FBXO38: variants seen among roughly 807,000 people sequenced by gnomAD.
FBXO38 encodes the protein F-box only protein 38.
In FBXO38, 53 loss-of-function variants were observed where a neutral mutation model predicts 131.9. The ratio of observed to expected loss-of-function variants is 0.40; its 90% CI spans 0.32 to 0.51. The LOEUF (loss-of-function observed/expected upper bound fraction) is 0.51, where lower values mean the gene tolerates loss of function less well. Ranked by LOEUF, FBXO38 falls within the 20% of genes least tolerant of loss-of-function variation. The probability of loss-of-function intolerance (pLI) is 0.53; values close to 1 mark genes in which losing one functional copy is unlikely to be tolerated. For synonymous variants in FBXO38, 452 were observed against 505.6 expected (o/e 0.89, Z 1.42); for missense variants, 1,076 against 1,475.6 (o/e 0.73, Z 4.44).
chr5:148,406,045 T>A (rs772845383), intron 6 of FBXO38, among the ~76,000 whole-genome samples: 1 of 152,218 alleles, frequency 6.6e-6, no homozygotes, highest in Non-Finnish European at 1.5e-5. Flanking sequence ...ATACTACATA[T>A]CTCTACAGTG....
Position 148,410,668 on chromosome 5 carries a change from C to G in FBXO38, c.996C>G (p.Thr332=). ...AAGTTCGGATCCAGCCTTCCCTAAC[C>G]AAAGATGGTGTCTTTTCTGCCCTAA... is the stretch of plus-strand genomic sequence containing the variant. ...LHEVRIQPSL[T]KDGVFSALKM... Residue 332 remains threonine (T), a synonymous_variant, in exon 9 of 22, where the codon ACC becomes ACG. Transcript: ENST00000340253. 1 of 1,614,050 alleles carries G rather than the reference C, an allele frequency of 6.2e-7. No individual in the cohort carries two copies. The highest frequency in any genetic ancestry group is 8.5e-7 in the Non-Finnish European group (1 of 1,179,980).
At chr5:148,439,006 G>T (rs1207539914) in intron 18 of FBXO38, among the ~76,000 whole-genome samples, 1 of 152,194 alleles carries the variant, frequency 6.6e-6, no homozygotes, top group Non-Finnish European at 1.5e-5. Flanking sequence ...TGTAATCAGT[G>T]TGTAAGCCTG....
In FBXO38 at chr5:148,407,871, G is replaced by T. The variant is rs554075706; in HGVS notation, c.869-1253G>T. Among the ~76,000 whole-genome samples, 7 of 152,096 alleles carry T rather than the reference G, an allele frequency of 4.6e-5. No individual in the cohort carries two copies. In the South Asian group the frequency reaches 1.0e-3, roughly 23 times the overall value. ...ACCTGGGAGGCAGAGCATGCAGTGAGCCTAGATCGCACCACTGCACTCCAG... is the reference window on the plus strand; with the variant it reads ...ACCTGGGAGGCAGAGCATGCAGTGATCCTAGATCGCACCACTGCACTCCAG... On this transcript the variant is annotated intron_variant, in intron 7 of 21. Transcript: ENST00000340253.
intron 2 of FBXO38, among the ~76,000 whole-genome samples, 188 bp from the exon 3 acceptor site, chr5:148,398,811 C>T (rs987859932): frequency 1.3e-5 from 2 of 151,818 alleles, no homozygotes; most frequent in African/African-American, 2.4e-5. Flanking sequence ...TTTGGATACT[C>T]AACTATTTGC....
chr5:148,415,855 C>A, intron 10 of FBXO38, 73 bp from the exon 11 acceptor site: 1 of 1,483,524 alleles, frequency 6.7e-7, no homozygotes, highest in Non-Finnish European at 9.3e-7. Flanking sequence ...GTCTTTGTGA[C>A]CTGTATCAAA....
rs973560359 is a variant in FBXO38 at position 148,425,625 on chromosome 5, T to G, written c.1842T>G (p.Ile614Met). 3.7e-6 allele frequency: 6 copies of G among 1,613,850 alleles called. No individual in the cohort carries two copies. In the African/African-American group the frequency reaches 8.0e-5, roughly 22 times the overall value. ...EDSLELQEVW[I>M]PKNGTRRYSE... ...GTCTAGAACTCCAAGAAGTCTGGAT[T>G]CCTAAGAACGGTACTCGGCGTTACT... Residue 614 changes from isoleucine (I) to methionine (M), a missense_variant, in exon 14 of 22, where the codon ATT (isoleucine) becomes ATG (methionine). Physicochemically the swap from Ile to Met is conservative, Grantham distance 10. Transcript: ENST00000340253.
Position 148,439,670 on chromosome 5 carries a change from G to C in FBXO38, c.3048G>C (p.Gln1016His). 6.2e-7 allele frequency: 1 copy of C among 1,605,096 alleles called. No individual in the cohort carries two copies. Among genetic ancestry groups the C allele is most frequent in the Non-Finnish European group, 8.5e-7 (1 of 1,179,574 alleles). The stretch of plus-strand genomic sequence containing the variant: ...AGGTGGACACTCTAACTTTGGAGCA[G>C]AAGCTATTTAGTGGTCCCTACCCCT... Reference protein sequence around the residue: ...MQQVDTLTLEQKLFSGPYPYH... With the variant: ...MQQVDTLTLEHKLFSGPYPYH... Residue 1016 changes from glutamine to histidine, a missense_variant, in exon 19 of 22, where the codon CAG (glutamine) becomes CAC (histidine). Physicochemically the swap from Gln to His is conservative, Grantham distance 24 (BLOSUM62 0). Coordinates refer to ENST00000340253, the MANE Select transcript of FBXO38 (RefSeq NM_205836.3).
At chr5:148,429,798 CT>C (rs1370690933) in intron 15 of FBXO38, among the ~76,000 whole-genome samples, 1 of 151,864 alleles carries the variant, frequency 6.6e-6, no homozygotes, top group Non-Finnish European at 1.5e-5. Flanking sequence ...TATTTTTTGC[CT>C]TGTGTTCTGC....
chr5:148,436,134 A>G (rs755893364), intron 17 of FBXO38, among the ~76,000 whole-genome samples: 1 of 152,200 alleles, frequency 6.6e-6, no homozygotes, highest in Non-Finnish European at 1.5e-5. Flanking sequence ...CGTGCTTACT[A>G]AAAAAATGGC....
chr5:148,441,108 T>C lies in FBXO38; in HGVS notation c.3275-16T>C. On this transcript the variant is annotated splice_polypyrimidine_tract_variant and intron_variant, in intron 20 of 21. Coordinates refer to ENST00000340253, the MANE Select transcript of FBXO38 (RefSeq NM_205836.3). ...GCACTCCCACGCCAGTTAGCAATGT[T>C]ACATTTGTCTTTTAGGTGTTGTGGA... The C allele has an allele frequency of 6.3e-7, 1 of 1,595,060 alleles. No individual in the cohort carries two copies. The highest frequency in any genetic ancestry group is 8.6e-7 in the Non-Finnish European group (1 of 1,162,660).
intron 12 of FBXO38, among the ~76,000 whole-genome samples, chr5:148,421,380 CA>C (rs1225982398): frequency 6.6e-6 from 1 of 152,090 alleles, no homozygotes; most frequent in African/African-American, 2.4e-5. Context: ...GGGCAAACTA[CA>C]GTCTGAAAAA....
chr5:148,394,529 C>T (rs542897765), intron 1 of FBXO38, among the ~76,000 whole-genome samples, 185 bp from the exon 2 acceptor site: 39 of 152,042 alleles, frequency 2.6e-4, no homozygotes, highest in Non-Finnish European at 4.7e-4. Context: ...TGATTATCCA[C>T]TCATCTTGAG....
chr5:148,408,058 G>GA (rs1426831294), intron 7 of FBXO38, among the ~76,000 whole-genome samples: 4 of 152,012 alleles, frequency 2.6e-5, no homozygotes, highest in Non-Finnish European at 5.9e-5. Flanking sequence ...CAACTCAATA[G>GA]AAAAAATGGG....
intron 10 of FBXO38, among the ~76,000 whole-genome samples, 200 bp downstream of exon 10, chr5:148,414,506 G>T (rs558680705): frequency 6.6e-6 from 1 of 152,220 alleles, no homozygotes; most frequent in African/African-American, 2.4e-5. Context: ...GACGTTCTCT[G>T]CCTAGAAGTG....
intron 12 of FBXO38, among the ~76,000 whole-genome samples, chr5:148,423,198 T>C (rs1753538446): frequency 6.6e-6 from 1 of 152,182 alleles, no homozygotes. Context: ...CCAGAATGTG[T>C]GCATCCTCTT....
intron 17 of FBXO38, among the ~76,000 whole-genome samples, chr5:148,435,824 C>T (rs531984151): frequency 6.6e-6 from 1 of 152,154 alleles, no homozygotes; most frequent in Non-Finnish European, 1.5e-5. Context: ...TTTACTTGAA[C>T]ACTTAGAGGC....
chr5:148,427,902 A>G lies in FBXO38; in HGVS notation c.2608A>G (p.Arg870Gly). ...NEDYPRRPLT[R>G]ARSRLSHVLL... ...AGACTACCCTCGGAGGCCCCTAACC[A>G]GGGCCAGGAGCAGACTGTCCCATGT... Residue 870 changes from arginine (R) to glycine (G), a missense_variant, in exon 15 of 22, where the codon AGG (arginine) becomes GGG (glycine). Arg to Gly is a moderately radical substitution (Grantham distance 125, BLOSUM62 -2). Transcript: ENST00000340253. The G allele has an allele frequency of 1.3e-6, 2 of 1,539,146 alleles. No individual in the cohort carries two copies. The highest frequency in any genetic ancestry group is 1.7e-6 in the Non-Finnish European group (2 of 1,146,028).
chr5:148,418,900 T>C (rs1018675511), intron 12 of FBXO38, among the ~76,000 whole-genome samples: 1 of 152,226 alleles, frequency 6.6e-6, no homozygotes. Flanking sequence ...TTAATTTGTA[T>C]CTGTATTTGA....
At chr5:148,419,495 T>C (rs1022494549) in intron 12 of FBXO38, among the ~76,000 whole-genome samples, 3 of 152,204 alleles carry the variant, frequency 2.0e-5, no homozygotes, top group Non-Finnish European at 4.4e-5. Flanking sequence ...TTGACTAATA[T>C]TGATGGTTCA....
Sources: allele counts gnomAD v4.1 joint callset (sites outside exome capture counted in the v4.1 genomes callset), GRCh38; gene constraint gnomAD v4.1.1; transcripts MANE v1.5; gene names NCBI Gene and HGNC (gene_info 2026-07-23, HGNC 2026-07-21).